Variants in RPS6KA2 observed in about 807,000 individuals in gnomAD.
RPS6KA2 encodes ribosomal protein S6 kinase A2, also known as ribosomal protein S6 kinase alpha-2.
Under a neutral mutation model 91.8 loss-of-function variants are expected in RPS6KA2, and 42 were observed. The ratio of observed to expected loss-of-function variants is 0.46; its 90% CI spans 0.36 to 0.59. The LOEUF (loss-of-function observed/expected upper bound fraction) is 0.59, where lower values mean the gene tolerates loss of function less well. RPS6KA2 is among the 20% of genes least tolerant of loss of function. The pLI is 0.00. For synonymous variants in RPS6KA2, 414 were observed against 393.6 expected, an observed-to-expected ratio of 1.05 and a Z score of -0.61; for missense variants, 798 against 978.5, an observed-to-expected ratio of 0.82 and a Z score of 2.46.
chr6:166,564,136 C>T (rs990911504), intron 1 of RPS6KA2, among the ~76,000 whole-genome samples: 1 of 152,222 alleles, frequency 6.6e-6, no homozygotes, highest in South Asian at 2.1e-4. Flanking sequence ...ATTAACATTT[C>T]CCGGGAAAAT....
chr6:166,623,623 T>C (rs1336677849), intron 1 of RPS6KA2, among the ~76,000 whole-genome samples: 1 of 152,236 alleles, frequency 6.6e-6, no homozygotes, highest in Non-Finnish European at 1.5e-5. Flanking sequence ...AAGTGGACTG[T>C]TGAATGAGAT....
rs1786900086 is a variant in RPS6KA2, at chr6:166,626,877, G to T, written c.99+44C>A. The T allele has an allele frequency of 1.4e-6, 2 of 1,412,504 alleles. No homozygotes were observed. The highest frequency in any genetic ancestry group is 1.9e-6 in the Non-Finnish European group (2 of 1,071,564). The allele number at this position is 1,412,504 out of a possible 1,614,324, so 87.5% of individuals were successfully genotyped here. A position where few individuals can be genotyped will look rare whatever the true frequency, so the allele number is the denominator to read the frequency against. On this transcript the variant is annotated intron_variant, in intron 1 of 20. Transcript: ENST00000265678. This position sits in a 1 kb window ranked among gnomAD's most constrained non-coding sequence, Gnocchi z 4.1. ...AGGCGGGCTCGGGCGACCACGGCCC[G>T]CTCAGTGCCCGGCACCTGCGCGCCC... is the stretch of plus-strand genomic sequence containing the variant.
At chr6:166,550,992 C>G (rs1784002034) in intron 1 of RPS6KA2, among the ~76,000 whole-genome samples, 1 of 26,064 alleles carries the variant, frequency 3.8e-5, no homozygotes, top group Admixed American at 4.6e-4. Flanking sequence ...CGGACTCTAT[C>G]TCAAAAAAAA....
chr6:166,862,487 GCTGCGGCTTCGGAATCTGTA>G, exon 1 of RPS6KA2: 2 of 778,158 alleles, frequency 2.6e-6, no homozygotes, highest in Non-Finnish European at 3.6e-6. Flanking sequence ...AGGGGACGGC[GCTGCGGCTTCGGAATCTGTA>G]CTGCGACTTT....
At chr6:166,669,090 C>G (rs1431801164) in intron 2 of RPS6KA2, among the ~76,000 whole-genome samples, 1 of 152,122 alleles carries the variant, frequency 6.6e-6, no homozygotes, top group Middle Eastern at 3.4e-3. Context: ...GACGGGGTTT[C>G]ACCATGTTGC....
At chr6:166,505,069 C>T (rs1665489000) in intron 5 of RPS6KA2, among the ~76,000 whole-genome samples, 2 of 152,178 alleles carry the variant, frequency 1.3e-5, no homozygotes, top group Admixed American at 1.3e-4. Context: ...TTATCTATCT[C>T]CACTCCTTGG....
chr6:166,497,402 C>T (rs551376660), intron 8 of RPS6KA2, among the ~76,000 whole-genome samples: 1 of 152,338 alleles, frequency 6.6e-6, no homozygotes, highest in South Asian at 2.1e-4. Flanking sequence ...GAAGGAGTAG[C>T]CACAAACGTG....
chr6:166,524,349 G>A (rs909259149), intron 3 of RPS6KA2, among the ~76,000 whole-genome samples: 2 of 152,008 alleles, frequency 1.3e-5, no homozygotes, highest in South Asian at 2.1e-4. Flanking sequence ...AATATTTCAC[G>A]TAAGCAGCTC....
At chr6:166,484,637 A>G (rs1781345204) in intron 10 of RPS6KA2, among the ~76,000 whole-genome samples, 1 of 152,216 alleles carries the variant, frequency 6.6e-6, no homozygotes, top group South Asian at 2.1e-4. Context: ...CACCGAGGAT[A>G]AGGATGAAAA....
chr6:166,687,230 G>A (rs528861264), intron 2 of RPS6KA2, among the ~76,000 whole-genome samples: 19 of 152,340 alleles, frequency 1.2e-4, no homozygotes, highest in Non-Finnish European at 2.6e-4. Context: ...GCCATGGCAG[G>A]TGCGATACCT....
At chr6:166,810,069 G>T (rs2128620193) in intron 2 of RPS6KA2, among the ~76,000 whole-genome samples, 1 of 152,328 alleles carries the variant, frequency 6.6e-6, no homozygotes, top group African/African-American at 2.4e-5. Flanking sequence ...GGAGAAGCAG[G>T]CACCTGAAGA....
chr6:166,484,001 A>T (rs190905662), intron 10 of RPS6KA2, among the ~76,000 whole-genome samples: 1 of 152,372 alleles, frequency 6.6e-6, no homozygotes, highest in East Asian at 1.9e-4. Flanking sequence ...CAGAAACAGC[A>T]TGACGTCCAT....
At chr6:166,669,270 C>T (rs951301752) in intron 2 of RPS6KA2, among the ~76,000 whole-genome samples, 1 of 152,088 alleles carries the variant, frequency 6.6e-6, no homozygotes, top group Non-Finnish European at 1.5e-5. Flanking sequence ...CTCCTTCCCC[C>T]GGGCTGCCTG....
At chr6:166,549,930 A>G (rs555084610) in intron 1 of RPS6KA2, among the ~76,000 whole-genome samples, 9 of 152,366 alleles carry the variant, frequency 5.9e-5, no homozygotes, top group African/African-American at 2.2e-4. Context: ...CGTGTTTTGC[A>G]GCTTCCTGTG....
intron 1 of RPS6KA2, among the ~76,000 whole-genome samples, chr6:166,606,358 AG>A (rs1227904201): frequency 6.6e-6 from 1 of 152,266 alleles, no homozygotes; most frequent in Non-Finnish European, 1.5e-5. Context: ...GAAAAGCAAA[AG>A]CAAAAAGCAC....
intron 1 of RPS6KA2, among the ~76,000 whole-genome samples, chr6:166,586,880 C>G (rs2128519343): frequency 6.6e-6 from 1 of 152,348 alleles, no homozygotes; most frequent in African/African-American, 2.4e-5. Flanking sequence ...TAGACTGGGG[C>G]TCCCCTCAGC....
intron 2 of RPS6KA2, among the ~76,000 whole-genome samples, chr6:166,783,794 ATACAC>A (rs1778840510): frequency 1.8e-5 from 2 of 113,582 alleles, no homozygotes; most frequent in Non-Finnish European, 4.4e-5. Context: ...AACTACATAT[ATACAC>A]GTGCACAGTT....
Position 166,767,594 on chromosome 6 carries a change from G to A in RPS6KA2, c.123+90606C>T, listed in dbSNP as rs1286464992. Among the ~76,000 whole-genome samples, 2 of 152,130 alleles carry A rather than the reference G, an allele frequency of 1.3e-5. No individual in the cohort carries two copies. Among genetic ancestry groups the A allele is most frequent in the South Asian group, 2.1e-4 (1 of 4,810 alleles). Reference sequence around the variant, plus strand: ...AGGGACCCAGGAAGGGTGAACATTCGGCCAGAATGTGTTGAGCGTCCACAA... The same window carrying A: ...AGGGACCCAGGAAGGGTGAACATTCAGCCAGAATGTGTTGAGCGTCCACAA... On this transcript the variant is annotated intron_variant, in intron 2 of 21. Transcript: ENST00000503859. This position sits in a 1 kb window ranked among gnomAD's most constrained non-coding sequence, Gnocchi z 4.6.
At chr6:166,570,892 C>T (rs1784665744) in intron 1 of RPS6KA2, among the ~76,000 whole-genome samples, 1 of 152,204 alleles carries the variant, frequency 6.6e-6, no homozygotes, top group African/African-American at 2.4e-5. Flanking sequence ...ATTCTCTTCA[C>T]TGTAATAGTG....
Sources: allele counts gnomAD v4.1 joint callset (sites outside exome capture counted in the v4.1 genomes callset), GRCh38; gene constraint gnomAD v4.1.1; non-coding constraint Gnocchi (gnomAD v3.1); transcripts MANE v1.5; gene names NCBI Gene and HGNC (gene_info 2026-07-23, HGNC 2026-07-21).